SCUBE2: variants seen among roughly 807,000 people sequenced by gnomAD.
The protein encoded by SCUBE2 is signal peptide, CUB and EGF-like domain-containing protein 2.
A neutral mutation model predicts 125.9 loss-of-function variants in SCUBE2; 114 were observed. That is an observed-to-expected ratio of 0.91 (90% CI 0.78 to 1.06). The LOEUF is 1.06. SCUBE2 is among the 50% of genes least tolerant of loss of function. The probability of loss-of-function intolerance (pLI) is 0.00; values close to 1 mark genes in which losing one functional copy is unlikely to be tolerated. For missense variants in SCUBE2, 1,255 were observed against 1,301.8 expected, an observed-to-expected ratio of 0.96 and a Z score of 0.55; for synonymous variants, 459 against 492.9, an observed-to-expected ratio of 0.93 and a Z score of 0.91.
At chr11:9,026,998 C>G in intron 20 of SCUBE2, 1 of 260,940 alleles carries the variant, frequency 3.8e-6, no homozygotes, top group Non-Finnish European at 7.5e-6. Flanking sequence ...GACAGGTCCC[C>G]ACCTGGCCAG....
chr11:9,044,432 A>G (rs769384175), intron 16 of SCUBE2, among the ~76,000 whole-genome samples: 6 of 151,994 alleles, frequency 3.9e-5, no homozygotes, highest in Non-Finnish European at 7.4e-5. Flanking sequence ...GAGTGTCACT[A>G]TGTTGCCCAA....
At chr11:9,033,277 C>A (rs1184596939) in intron 17 of SCUBE2, among the ~76,000 whole-genome samples, 1 of 152,148 alleles carries the variant, frequency 6.6e-6, no homozygotes, top group Non-Finnish European at 1.5e-5. Flanking sequence ...AAAACCCAGA[C>A]CTCCTCTCTT....
chr11:9,021,860 T>TGA lies in SCUBE2; in HGVS notation c.2934+14_2934+15dup, dbSNP rs1241643455. On this transcript the variant is annotated intron_variant, in intron 22 of 22. Transcript: ENST00000649792. ...TCTGTGGATAACTGCCATGTCCACC[T>TGA]GAGCCAGGCACTCACCTTAAGTATT... 37 of 1,599,990 alleles carry TGA rather than the reference T, an allele frequency of 2.3e-5. No homozygotes were observed. Among genetic ancestry groups the TGA allele is most frequent in the Non-Finnish European group, 3.2e-5 (37 of 1,167,648 alleles).
chr11:9,074,359 T>A, intron 4 of SCUBE2, 122 bp downstream of exon 4: 1 of 1,262,696 alleles, frequency 7.9e-7, no homozygotes, highest in Non-Finnish European at 1.1e-6. Context: ...TCTGGACTCG[T>A]CCTCAGGCCT....
intron 2 of SCUBE2, among the ~76,000 whole-genome samples, chr11:9,081,329 A>G (rs1217114260): frequency 6.6e-6 from 1 of 152,212 alleles, no homozygotes; most frequent in South Asian, 2.1e-4. Flanking sequence ...CCATTTAACA[A>G]TAACTCCTCA....
At chr11:9,024,439 G>A (rs1855557071) in intron 21 of SCUBE2, 1 of 1,278,318 alleles carries the variant, frequency 7.8e-7, no homozygotes, top group Admixed American at 2.3e-5. Context: ...GATGATCCGT[G>A]CTTTTGTTAC....
At chr11:9,037,084 G>A (rs770119054) in intron 16 of SCUBE2, among the ~76,000 whole-genome samples, 1 of 152,152 alleles carries the variant, frequency 6.6e-6, no homozygotes, top group Non-Finnish European at 1.5e-5. Context: ...ACACTAAAAG[G>A]CAACTCTGAA....
chr11:9,071,438 T>C (rs1860794983), intron 4 of SCUBE2, among the ~76,000 whole-genome samples: 1 of 152,182 alleles, frequency 6.6e-6, no homozygotes, highest in African/African-American at 2.4e-5. Context: ...GAGACTTAAA[T>C]GGCTCTGGAA....
intron 5 of SCUBE2, among the ~76,000 whole-genome samples, chr11:9,067,591 C>T (rs1860370219): frequency 6.6e-6 from 1 of 152,086 alleles, no homozygotes; most frequent in African/African-American, 2.4e-5. Flanking sequence ...ATTGTGTATG[C>T]ATATGAACAA....
chr11:9,064,118 C>T (rs766752628), intron 7 of SCUBE2, among the ~76,000 whole-genome samples: 4 of 151,934 alleles, frequency 2.6e-5, no homozygotes, highest in Non-Finnish European at 4.4e-5. Flanking sequence ...AGAGCTAAAT[C>T]CTAGTCTTTC....
intron 3 of SCUBE2, among the ~76,000 whole-genome samples, chr11:9,077,808 G>A (rs576146069): frequency 1.6e-4 from 25 of 152,324 alleles, no homozygotes. Context: ...CCACAGAGGG[G>A]AAATGGAGAT....
chr11:9,087,295 T>G (rs1862171485), intron 2 of SCUBE2, among the ~76,000 whole-genome samples: 1 of 152,152 alleles, frequency 6.6e-6, no homozygotes, highest in South Asian at 2.1e-4. Flanking sequence ...ATAAAGTCAG[T>G]GGAATGGTTT....
intron 2 of SCUBE2, among the ~76,000 whole-genome samples, chr11:9,082,233 T>C (rs1861699214): frequency 6.6e-6 from 1 of 152,254 alleles, no homozygotes. Flanking sequence ...TTCTGGATAT[T>C]AATCCCTTAT....
rs1862468405 is a variant in SCUBE2 at position 9,089,784 on chromosome 11, G to A, written c.179C>T (p.Ala60Val). Residue 60 changes from alanine to valine, a missense_variant, in exon 2 of 23, where the codon GCC becomes GTC. This residue lies in a region of SCUBE2 where 362 missense variants were observed against 323.0 expected (regional missense o/e 1.12). Transcript: ENST00000649792. ...AQGLDDCHAD[A>V]LCQNTPTSYK... ...GGAGGTGGGTGTGTTCTGACACAGG[G>A]CGTCGGCATGGCAGTCATCTAGCCC... 1.2e-6 allele frequency: 2 copies of A among 1,613,954 alleles called. No homozygotes were observed. Among genetic ancestry groups the A allele is most frequent in the African/African-American group, 2.7e-5 (2 of 75,010 alleles).
intron 20 of SCUBE2, chr11:9,027,111 G>A (rs140613130): frequency 7.2e-5 from 36 of 503,122 alleles, no homozygotes; most frequent in Middle Eastern, 1.1e-3. Context: ...TGTGGAAGAG[G>A]GTCCAAAACG....
chr11:9,065,877 G>GT lies in SCUBE2; in HGVS notation c.850+13dup, dbSNP rs771853045. Reference sequence around the variant, plus strand: ...CAATTGCAGTGGCCAAGGAAAGGGAGTGAAGGTGCCTACCCATGAGCAGCC... The same window carrying GT: ...CAATTGCAGTGGCCAAGGAAAGGGAGTTGAAGGTGCCTACCCATGAGCAGCC... On this transcript the variant is annotated intron_variant, in intron 7 of 22. Coordinates refer to ENST00000649792, the MANE Select transcript of SCUBE2 (RefSeq NM_001367977.2). The GT allele has an allele frequency of 1.2e-6, 2 of 1,610,564 alleles. No individual in the cohort carries two copies. The highest frequency in any genetic ancestry group is 4.5e-5 in the East Asian group (2 of 44,878).
chr11:9,067,694 A>G (rs987109018), intron 5 of SCUBE2, among the ~76,000 whole-genome samples: 2 of 152,194 alleles, frequency 1.3e-5, no homozygotes, highest in Non-Finnish European at 2.9e-5. Flanking sequence ...CTCAAACGTT[A>G]AATATGTTAA....
chr11:9,074,339 G>A (rs890735770), intron 4 of SCUBE2, 142 bp downstream of exon 4: 42 of 984,000 alleles, frequency 4.3e-5, no homozygotes, highest in African/African-American at 9.8e-5. Flanking sequence ...ACGGTTACCC[G>A]GCAGTGGAGT....
In SCUBE2 at chr11:9,050,728, T is replaced by G; in HGVS notation, c.1535-18A>C. The G allele has an allele frequency of 6.3e-7, 1 of 1,585,340 alleles. No homozygotes were observed. The highest frequency in any genetic ancestry group is 8.7e-7 in the Non-Finnish European group (1 of 1,153,664). On this transcript the variant is annotated intron_variant, in intron 13 of 22. Transcript: ENST00000649792. ...GGTGACATCTTCAGAAAGAAACAAG[T>G]GAGAGATGTTACCTTCAGAGGCAAA...
Sources: allele counts gnomAD v4.1 joint callset (sites outside exome capture counted in the v4.1 genomes callset), GRCh38; gene constraint gnomAD v4.1.1; regional missense constraint gnomAD v4.1.1; transcripts MANE v1.5; gene names NCBI Gene and HGNC (gene_info 2026-07-23, HGNC 2026-07-21).